CPZ: variants seen among roughly 807,000 people sequenced by gnomAD.
The protein encoded by CPZ is carboxypeptidase Z, also known as VEZT/CPZ fusion.
A neutral mutation model predicts 61.8 loss-of-function variants in CPZ; 103 were observed. The ratio of observed to expected loss-of-function variants is 1.67; its 90% CI spans 1.42 to 1.96. CPZ has a LOEUF of 1.96. CPZ is among the 30% of genes most tolerant of loss of function. CPZ has a pLI of 0.00. For synonymous variants in CPZ, 551 were observed against 373.7 expected (o/e 1.47, Z -5.47); for missense variants, 1,461 against 914.9 (o/e 1.60, Z -7.70).
Position 8,606,170 on chromosome 4 carries a change from G to A in CPZ, c.891G>A (p.Glu297=). The A allele has an allele frequency of 6.2e-7, 1 of 1,613,836 alleles. No individual in the cohort carries two copies. The highest frequency in any genetic ancestry group is 8.5e-7 in the Non-Finnish European group (1 of 1,179,902). ...LLPSMNPDGY[E]VAAAEGAGYN... ...CCTCCATGAACCCTGACGGCTATGAGGTGGCAGCTGCCGAGGTGAGCGCCC... is the reference window on the plus strand; with the variant it reads ...CCTCCATGAACCCTGACGGCTATGAAGTGGCAGCTGCCGAGGTGAGCGCCC... The change falls in exon 5 of 11, where the codon GAG becomes GAA. Residue 297 remains glutamate, a synonymous_variant. Transcript: ENST00000360986.
chr4:8,601,911 C>CT (rs1359412918), intron 3 of CPZ: 1 of 118,370 alleles, frequency 8.4e-6, no homozygotes, highest in Non-Finnish European at 1.8e-5. Context: ...GTGCTTACCC[C>CT]TGGTCAAGGG....
intron 4 of CPZ, among the ~76,000 whole-genome samples, chr4:8,605,611 C>CATAT (rs1714915908): frequency 7.1e-6 from 1 of 140,592 alleles, no homozygotes; most frequent in African/African-American, 2.6e-5. Flanking sequence ...TCCATCCATC[C>CATAT]ATCCATCCAT....
Position 8,618,475 on chromosome 4 carries a change from C to T in CPZ, c.1550C>T (p.Pro517Leu), listed in dbSNP as rs1179097286. 3 of 1,614,000 alleles carry T rather than the reference C, an allele frequency of 1.9e-6. No homozygotes were observed. Among genetic ancestry groups the T allele is most frequent in the Non-Finnish European group, 1.7e-6 (2 of 1,180,004 alleles). Residue 517 changes from proline (P) to leucine (L), a missense_variant, in exon 10 of 11, where the codon CCA becomes CTA. By Grantham distance (98) the Pro-to-Leu change is moderately conservative. Coordinates refer to ENST00000360986, the MANE Select transcript of CPZ (RefSeq NM_001014447.3). ...KGVVTDKFGK[P>L]VKNARISVKG... is the part of the protein sequence containing the mutation. Reference sequence around the variant, plus strand: ...GTGGTGACAGATAAATTCGGCAAGCCAGTCAAAAACGCCCGGATCTCAGTC... The same window carrying T: ...GTGGTGACAGATAAATTCGGCAAGCTAGTCAAAAACGCCCGGATCTCAGTC...
chr4:8,615,295 G>T (rs1716068768), intron 9 of CPZ, among the ~76,000 whole-genome samples: 2 of 152,218 alleles, frequency 1.3e-5, no homozygotes, highest in African/African-American at 4.8e-5. Context: ...GTGAGAGTGG[G>T]GACTCTGTGC....
rs767858964 is a variant in CPZ, at chr4:8,612,167, G to A, written c.1363+5G>A. 3.1e-5 allele frequency: 43 copies of A among 1,409,440 alleles called. No individual in the cohort carries two copies. Among genetic ancestry groups the A allele is most frequent in the Middle Eastern group, 4.7e-4 (2 of 4,256 alleles). The allele number at this position is 1,409,440 out of a possible 1,614,324, so 87.3% of individuals were successfully genotyped here. A position where few individuals can be genotyped will look rare whatever the true frequency, so the allele number is the denominator to read the frequency against. On this transcript the variant is annotated splice_donor_5th_base_variant and intron_variant, in intron 8 of 10. Transcript: ENST00000360986. ...ACTGGTACAGCTTCACGGGAGGTGC[G>A]GCTTCCGCAGGGCGGGACTGGGCGG...
At position 8,606,045 on chromosome 4, in the gene CPZ, G is replaced by A. The variant is rs146292135; in HGVS notation, c.766G>A (p.Glu256Lys). ...NIHGNEVAGR[E>K]MLIYLAQYLC... Reference sequence around the variant, plus strand: ...TCATGGCAACGAGGTGGCGGGCCGGGAGATGCTCATCTACCTAGCCCAGTA... The same window carrying A: ...TCATGGCAACGAGGTGGCGGGCCGGAAGATGCTCATCTACCTAGCCCAGTA... The change falls in exon 5 of 11, where the codon GAG (glutamate) becomes AAG (lysine). Residue 256 changes from glutamate (E) to lysine (K), a missense_variant. Physicochemically the swap from Glu to Lys is moderately conservative, Grantham distance 56 (BLOSUM62 1). Transcript: ENST00000360986. 1 of 1,614,184 alleles carries A rather than the reference G, an allele frequency of 6.2e-7. No individual in the cohort carries two copies. The highest frequency in any genetic ancestry group is 8.5e-7 in the Non-Finnish European group (1 of 1,180,022).
intron 7 of CPZ, among the ~76,000 whole-genome samples, chr4:8,610,368 G>A (rs768469524): frequency 7.9e-5 from 12 of 152,322 alleles, no homozygotes; most frequent in Non-Finnish European, 1.0e-4. Context: ...ACTGGTGGTC[G>A]GCAGCCACCT....
intron 7 of CPZ, chr4:8,611,054 GCTCACTCA>G (rs964310733): frequency 1.6e-5 from 6 of 370,250 alleles, no homozygotes; most frequent in African/African-American, 6.3e-5. Flanking sequence ...TCACGCATTC[GCTCACTCA>G]CTCATTCACT....
intron 1 of CPZ, among the ~76,000 whole-genome samples, chr4:8,598,066 G>T (rs764408498): frequency 6.6e-5 from 10 of 152,224 alleles, no homozygotes; most frequent in Non-Finnish European, 1.2e-4. Flanking sequence ...CCCCAGGGCC[G>T]CCCGCACACG....
At chr4:8,611,604 T>G (rs1463858658) in intron 7 of CPZ, among the ~76,000 whole-genome samples, 1 of 152,162 alleles carries the variant, frequency 6.6e-6, no homozygotes, top group Non-Finnish European at 1.5e-5. Flanking sequence ...AGTAGTTGGC[T>G]TTGGAGATGA....
intron 9 of CPZ, 85 bp from the exon 10 acceptor site, chr4:8,618,344 G>GT: frequency 1.3e-5 from 17 of 1,312,974 alleles, no homozygotes; most frequent in Admixed American, 1.7e-5. Flanking sequence ...CAAGCTCTGA[G>GT]GAGCATGTGG....
rs1553877381 is a variant in CPZ, at chr4:8,608,135, T to TCCAGCTTCCAGCCC, written c.1227+715_1227+716insTTCCAGCCCCCAGC. Among the ~76,000 whole-genome samples, 236 of 137,642 alleles carry TCCAGCTTCCAGCCC rather than the reference T, an allele frequency of 1.7e-3. No homozygotes were observed. In the Middle Eastern group the frequency reaches 0.023, roughly 13 times the overall value. 90.3% of individuals were successfully genotyped at this position (137,642 alleles called of 152,430 possible). On this transcript the variant is annotated intron_variant, in intron 7 of 10. Transcript: ENST00000360986. Reference sequence around the variant, plus strand: ...TTGTGATCTGAGGTGGGCCCCAGCCTCCAGCCCCCAGCCCCCAGCCCCCAG... The same window carrying TCCAGCTTCCAGCCC: ...TTGTGATCTGAGGTGGGCCCCAGCCTCCAGCTTCCAGCCCCCAGCCCCCAGCCCCCAGCCCCCAG...
chr4:8,617,069 C>G lies in CPZ; in HGVS notation c.1504-1360C>G, dbSNP rs6819962. 8.3e-3 allele frequency among the ~76,000 whole-genome samples: 1,259 copies of G among 152,382 alleles called. 23 individuals are homozygous for G. Among genetic ancestry groups the G allele is most frequent in the African/African-American group, 0.029 (1,210 of 41,596 alleles). ...CACTCCCCTCTTTCAGCCACCTGCA[C>G]CACTGACAGCTGGGCGTGAGCCTGG... On this transcript the variant is annotated intron_variant, in intron 9 of 10. Coordinates refer to ENST00000360986, the MANE Select transcript of CPZ (RefSeq NM_001014447.3).
At chr4:8,596,163 C>T (rs187605337) in intron 1 of CPZ, among the ~76,000 whole-genome samples, 2,047 of 152,198 alleles carry the variant, frequency 0.013, 31 homozygotes, top group South Asian at 0.039. Context: ...GTGATTCTCC[C>T]ACCTCAGCCT....
At chr4:8,610,674 G>C (rs146964789) in intron 7 of CPZ, among the ~76,000 whole-genome samples, 3 of 152,200 alleles carry the variant, frequency 2.0e-5, no homozygotes, top group Non-Finnish European at 4.4e-5. Context: ...GGGAAAGTCC[G>C]CTGAGGCTTC....
rs1310468411 is a variant in CPZ at position 8,601,411 on chromosome 4, A to T, written c.410A>T (p.Asp137Val). 7.6e-6 allele frequency: 12 copies of T among 1,584,740 alleles called. No individual in the cohort carries two copies. Among genetic ancestry groups the T allele is most frequent in the Non-Finnish European group, 1.0e-5 (12 of 1,164,776 alleles). Residue 137 changes from aspartate (D) to valine (V), a missense_variant, in exon 3 of 11, where the codon GAC becomes GTC. By Grantham distance (152) the Asp-to-Val change is radical. Transcript: ENST00000360986. Reference sequence around the variant, plus strand: ...TGCCAGCCCGCCTTCGACGCCATTGACATGGCCTGGCCCTACTTCCTTGAC... The same window carrying T: ...TGCCAGCCCGCCTTCGACGCCATTGTCATGGCCTGGCCCTACTTCCTTGAC... Reference protein sequence around the residue: ...EVCQPAFDAIDMAWPYFLDCH... With the variant: ...EVCQPAFDAIVMAWPYFLDCH...
At position 8,607,319 on chromosome 4, in the gene CPZ, T is replaced by A; in HGVS notation, c.1121T>A (p.Val374Glu). 6.2e-7 allele frequency: 1 copy of A among 1,614,132 alleles called. No homozygotes were observed. Among genetic ancestry groups the A allele is most frequent in the Non-Finnish European group, 8.5e-7 (1 of 1,179,980 alleles). ...AAGTGGATGCAGACCATACCCTTTG[T>A]GCTCTCAGCCAGCCTTCATGGGGGC... ...IMKWMQTIPF[V>E]LSASLHGGDL... is the part of the protein sequence containing the mutation. Residue 374 changes from valine (V) to glutamate (E), a missense_variant, in exon 7 of 11, where the codon GTG becomes GAG. Val to Glu is a moderately radical substitution (Grantham distance 121, BLOSUM62 -2). Coordinates refer to ENST00000360986, the MANE Select transcript of CPZ (RefSeq NM_001014447.3).
At chr4:8,616,284 G>A (rs1716151178) in intron 9 of CPZ, among the ~76,000 whole-genome samples, 1 of 152,190 alleles carries the variant, frequency 6.6e-6, no homozygotes, top group South Asian at 2.1e-4. Flanking sequence ...CTGGGGCGAG[G>A]GGAGGGGCGG....
At chr4:8,617,362 C>T (rs961742640) in intron 9 of CPZ, among the ~76,000 whole-genome samples, 1 of 152,168 alleles carries the variant, frequency 6.6e-6, no homozygotes, top group African/African-American at 2.4e-5. Context: ...AAAACCAGCC[C>T]CTCTCGGGCT....
Sources: allele counts gnomAD v4.1 joint callset (sites outside exome capture counted in the v4.1 genomes callset), GRCh38; gene constraint gnomAD v4.1.1; transcripts MANE v1.5; gene names NCBI Gene and HGNC (gene_info 2026-07-23, HGNC 2026-07-21).